ANK1: variants seen among roughly 807,000 people sequenced by gnomAD.
ANK1 encodes ankyrin 1.
ANK1 carries 51 observed loss-of-function variants against 210.4 expected under a neutral mutation model. That is an observed-to-expected ratio of 0.24 (90% CI 0.19 to 0.31). The LOEUF is 0.31. Among genes scored for constraint, ANK1 ranks in the 10% least tolerant of loss-of-function variants. The pLI is 1.00. For missense variants in ANK1, 2,051 were observed against 2,504.4 expected (o/e 0.82, Z 3.86); for synonymous variants, 967 against 1,025.9 (o/e 0.94, Z 1.10).
At chr8:41,672,179 G>C (rs1812622058) in intron 38 of ANK1, among the ~76,000 whole-genome samples, 175 bp downstream of exon 38, 2 of 152,216 alleles carry the variant, frequency 1.3e-5, no homozygotes, top group Admixed American at 6.5e-5. Context: ...GGCTTTTGCA[G>C]ATGGCACCTA....
chr8:41,714,863 GA>G, intron 15 of ANK1, 112 bp downstream of exon 15: 9 of 1,144,940 alleles, frequency 7.9e-6, no homozygotes, highest in Non-Finnish European at 1.0e-5. Flanking sequence ...CTGTCTCAAA[GA>G]AAAAAAAGAT....
At position 41,711,923 on chromosome 8, in the gene ANK1, T is replaced by A. The variant is rs952986507; in HGVS notation, c.1800+2233A>T. Among the ~76,000 whole-genome samples, 3 of 143,960 alleles carry A rather than the reference T, an allele frequency of 2.1e-5. No homozygotes were observed. The Admixed American group carries it at 2.1e-4, about 10-fold the overall frequency. 94.4% of individuals were successfully genotyped at this position (143,960 alleles called of 152,430 possible). A position where few individuals can be genotyped will look rare whatever the true frequency, so the allele number is the denominator to read the frequency against. ...ATAACTACATGAGAGCAATGATTAT[T>A]AGGCCATCTTTTTTTTTTTTAGACA... On this transcript the variant is annotated intron_variant, in intron 16 of 42. Coordinates refer to ENST00000289734, the MANE Select transcript of ANK1 (RefSeq NM_000037.4).
rs560656518 is a variant in ANK1 at position 41,721,225 on chromosome 8, C to T, written c.910-1367G>A. On this transcript the variant is annotated intron_variant, in intron 9 of 42. Coordinates refer to ENST00000289734, the MANE Select transcript of ANK1 (RefSeq NM_000037.4). ...AGAAACAGGGAGATTTGGGCACCTG[C>T]ACAGCAGGAAAATGTCACATGAAGA... Among the ~76,000 whole-genome samples the T allele has an allele frequency of 2.6e-5, 4 of 152,282 alleles. No homozygotes were observed. The South Asian group carries it at 6.2e-4, about 24-fold the overall frequency.
At chr8:41,751,516 A>T (rs772950993) in intron 2 of ANK1, among the ~76,000 whole-genome samples, 14 of 152,190 alleles carry the variant, frequency 9.2e-5, no homozygotes, top group Non-Finnish European at 1.9e-4. Flanking sequence ...TTGAGCTGAG[A>T]TGGAACCTAC....
At chr8:41,745,308 G>A (rs1237100506) in intron 2 of ANK1, among the ~76,000 whole-genome samples, 2 of 152,178 alleles carry the variant, frequency 1.3e-5, no homozygotes, top group African/African-American at 2.4e-5. Context: ...CAGGCACGTG[G>A]GATGGATACG....
At position 41,702,115 on chromosome 8, in the gene ANK1, C is replaced by G. The variant is rs199560931; in HGVS notation, c.2325G>C (p.Lys775Asn). The part of the protein sequence containing the change: ...SDGTTPLAIA[K>N]RLGYISVTDV... ...CGGTGACAGAAATGTAGCCCAAGCGCTTGGCTATGGCCAGAGGTGTGGTTC... is the reference window on the plus strand; with the variant it reads ...CGGTGACAGAAATGTAGCCCAAGCGGTTGGCTATGGCCAGAGGTGTGGTTC... Residue 775 changes from lysine (K) to asparagine (N), a missense_variant, in exon 21 of 43, where the codon AAG becomes AAC. Physicochemically the swap from Lys to Asn is moderately conservative, Grantham distance 94. Around this residue, in one of 6 missense-constraint regions of ANK1, gnomAD observed 1,413 missense variants for 1,707.4 expected, o/e 0.83. Transcript: ENST00000289734. 2 of 1,614,078 alleles carry G rather than the reference C, an allele frequency of 1.2e-6. No homozygotes were observed. Among genetic ancestry groups the G allele is most frequent in the South Asian group, 1.1e-5 (1 of 91,088 alleles).
intron 39 of ANK1, chr8:41,664,912 T>TTA (rs770813236): frequency 6.2e-7 from 1 of 1,614,210 alleles, no homozygotes. Context: ...TGGATGTGCT[T>TTA]TAGCACAAAG....
intron 1 of ANK1, among the ~76,000 whole-genome samples, chr8:41,851,164 G>A (rs1362348867): frequency 2.6e-5 from 4 of 152,240 alleles, no homozygotes; most frequent in Non-Finnish European, 4.4e-5. Flanking sequence ...TTCACAGAAT[G>A]AAATCGACCA....
chr8:41,663,599 C>T, intron 40 of ANK1, 60 bp downstream of exon 40: 1 of 1,530,308 alleles, frequency 6.5e-7, no homozygotes, highest in Non-Finnish European at 9.1e-7. Context: ...GCTTCTACCA[C>T]CTTTTAGCTT....
chr8:41,706,089 C>T, intron 18 of ANK1, 54 bp downstream of exon 18: 1 of 1,527,988 alleles, frequency 6.5e-7, no homozygotes, highest in Non-Finnish European at 9.1e-7. Context: ...AGATTCAATT[C>T]TGAAGTGTGA....
At chr8:41,719,468 T>G (rs1329748752) in intron 10 of ANK1, among the ~76,000 whole-genome samples, 193 bp downstream of exon 10, 1 of 152,144 alleles carries the variant, frequency 6.6e-6, no homozygotes, top group African/African-American at 2.4e-5. Flanking sequence ...CAGGTGGGTG[T>G]GCAGTGGAGG....
rs774953398 is a variant in ANK1 at position 41,690,324 on chromosome 8, G to A, written c.4007C>T (p.Pro1336Leu). The change falls in exon 33 of 43, where the codon CCG becomes CTG. Residue 1336 changes from proline (P) to leucine (L), a missense_variant. This residue lies in a region of ANK1 where 1,413 missense variants were observed against 1,707.4 expected (regional missense o/e 0.83). Coordinates refer to ENST00000289734, the MANE Select transcript of ANK1 (RefSeq NM_000037.4). ...PVKVRDSSRE[P>L]GGSLSFLRKA... ...GCGCAGAAACGACAGGGACCCTCCCGGCTCTCGACTGCTGTCCCTCACCTA... is the reference window on the plus strand; with the variant it reads ...GCGCAGAAACGACAGGGACCCTCCCAGCTCTCGACTGCTGTCCCTCACCTA... 33 of 1,614,090 alleles carry A rather than the reference G, an allele frequency of 2.0e-5. 1 individual carries two copies. The highest frequency in any genetic ancestry group is 1.8e-4 in the East Asian group (8 of 44,898).
chr8:41,699,229 A>G (rs1374993604), intron 23 of ANK1, among the ~76,000 whole-genome samples: 1 of 152,148 alleles, frequency 6.6e-6, no homozygotes, highest in Non-Finnish European at 1.5e-5. Flanking sequence ...AGCCTGGAAG[A>G]GGAGCAGAGA....
intron 1 of ANK1, among the ~76,000 whole-genome samples, chr8:41,883,682 A>C (rs1468356965): frequency 2.6e-5 from 4 of 151,750 alleles, no homozygotes; most frequent in Admixed American, 2.6e-4. Context: ...CTGGTCTTGA[A>C]CTCCTGGGCT....
At chr8:41,799,699 G>A (rs117529427), upstream of ANK1, among the ~76,000 whole-genome samples, 138 of 152,252 alleles carry the variant, frequency 9.1e-4, no homozygotes, top group East Asian at 0.025. Flanking sequence ...GCTTCTCTGG[G>A]AGCCAGGTCA....
chr8:41,698,159 C>T lies in ANK1; in HGVS notation c.2559-38G>A, dbSNP rs1444993153. 8 of 1,601,750 alleles carry T rather than the reference C, an allele frequency of 5.0e-6. No homozygotes were observed. In the Admixed American group the frequency reaches 8.3e-5, roughly 17 times the overall value. On this transcript the variant is annotated intron_variant, in intron 23 of 42. Coordinates refer to ENST00000289734, the MANE Select transcript of ANK1 (RefSeq NM_000037.4). Reference sequence around the variant, plus strand: ...AACACCAGAACATCACAGGGCTGATCCACATGTGCACACAGCTCCTCTTCC... The same window carrying T: ...AACACCAGAACATCACAGGGCTGATTCACATGTGCACACAGCTCCTCTTCC...
chr8:41,703,093 G>C (rs1198555516), intron 20 of ANK1, among the ~76,000 whole-genome samples: 4 of 151,976 alleles, frequency 2.6e-5, no homozygotes, highest in African/African-American at 9.7e-5. Flanking sequence ...GGCTTCCCAA[G>C]GTGCTGGGAT....
At chr8:41,665,241 C>T (rs1810092552) in intron 39 of ANK1, 4 of 1,514,410 alleles carry the variant, frequency 2.6e-6, no homozygotes, top group Non-Finnish European at 3.5e-6. Context: ...GGCCCAAGTG[C>T]CCTTCTGCCC....
intron 1 of ANK1, among the ~76,000 whole-genome samples, chr8:41,763,925 AGGCATAGAGT>A (rs1841156393): frequency 1.2e-5 from 1 of 83,838 alleles, no homozygotes; most frequent in Non-Finnish European, 2.1e-5. Flanking sequence ...GGGCTTCTCC[AGGCATAGAGT>A]AGTCAGGACT....
Sources: allele counts gnomAD v4.1 joint callset (sites outside exome capture counted in the v4.1 genomes callset), GRCh38; gene constraint gnomAD v4.1.1; regional missense constraint gnomAD v4.1.1; transcripts MANE v1.5; gene names NCBI Gene and HGNC (gene_info 2026-07-23, HGNC 2026-07-21).